Variants in DNAH14 observed in about 807,000 individuals in gnomAD.
DNAH14 encodes the protein axonemal beta dynein heavy chain 14.
DNAH14 carries 478 observed loss-of-function variants against 520.9 expected under a neutral mutation model. That is an observed-to-expected ratio of 0.92 (90% CI 0.85 to 0.99). The LOEUF (loss-of-function observed/expected upper bound fraction) is 0.99. Among genes scored for constraint, DNAH14 ranks in the 50% least tolerant of loss-of-function variants. The pLI is 0.00. For synonymous variants in DNAH14, 1,581 were observed against 1,757.2 expected (o/e 0.90, Z 2.51); for missense variants, 4,831 against 5,234.5 (o/e 0.92, Z 2.38).
chr1:225,121,889 TTAAA>T (rs2077326402), intron 26 of DNAH14, among the ~76,000 whole-genome samples: 1 of 151,372 alleles, frequency 6.6e-6, no homozygotes, highest in Non-Finnish European at 1.5e-5. Context: ...AAATAAATAA[TTAAA>T]TAATTTTTTT....
chr1:225,061,026 A>G (rs2069994330), intron 17 of DNAH14, among the ~76,000 whole-genome samples: 2 of 150,430 alleles, frequency 1.3e-5, no homozygotes, highest in Admixed American at 1.3e-4. Context: ...GAGAACCACT[A>G]CTCTCTTCAA....
chr1:224,966,293 G>A (rs1325440698), intron 5 of DNAH14, among the ~76,000 whole-genome samples: 1 of 152,090 alleles, frequency 6.6e-6, no homozygotes, highest in Non-Finnish European at 1.5e-5. Context: ...TTTAAAAAGT[G>A]TAAAACTGGA....
chr1:224,949,175 G>C (rs1168116727), intron 1 of DNAH14, among the ~76,000 whole-genome samples: 1 of 152,016 alleles, frequency 6.6e-6, no homozygotes, highest in Non-Finnish European at 1.5e-5. Context: ...TGAAAATATT[G>C]TATCATTTTC....
intron 69 of DNAH14, among the ~76,000 whole-genome samples, chr1:225,343,204 T>G (rs770904124): frequency 6.6e-5 from 10 of 152,198 alleles, no homozygotes; most frequent in Non-Finnish European, 1.3e-4. Flanking sequence ...CAAGAATAAC[T>G]GTGATGGGGA....
intron 36 of DNAH14, among the ~76,000 whole-genome samples, chr1:225,174,431 A>G (rs1369639029): frequency 6.6e-6 from 1 of 152,154 alleles, no homozygotes; most frequent in Non-Finnish European, 1.5e-5. Flanking sequence ...ATATTTTTGT[A>G]ACTATTATAA....
Position 225,375,594 on chromosome 1 carries a change from G to C in DNAH14, c.12516+709G>C, listed in dbSNP as rs144389139. ...GTCTGAGGTCTTGAGGATATGGATAGATAAACAAAATAGTAAAAATATTTT... is the reference window on the plus strand; with the variant it reads ...GTCTGAGGTCTTGAGGATATGGATACATAAACAAAATAGTAAAAATATTTT... On this transcript the variant is annotated intron_variant, in intron 78 of 85. Coordinates refer to ENST00000682510, the MANE Select transcript of DNAH14 (RefSeq NM_001367479.1). Among the ~76,000 whole-genome samples the C allele has an allele frequency of 6.6e-5, 10 of 152,262 alleles. No individual in the cohort carries two copies. The East Asian group carries it at 1.5e-3, about 23-fold the overall frequency.
chr1:225,321,478 G>T (rs2094554424), intron 61 of DNAH14, among the ~76,000 whole-genome samples: 1 of 151,730 alleles, frequency 6.6e-6, no homozygotes, highest in Admixed American at 6.6e-5. Context: ...GACCTTCTTG[G>T]TAAGCCCTGT....
chr1:224,996,755 C>T (rs2063417536), intron 8 of DNAH14, among the ~76,000 whole-genome samples: 1 of 152,104 alleles, frequency 6.6e-6, no homozygotes, highest in Non-Finnish European at 1.5e-5. Context: ...TTGAGTTCTG[C>T]AGTTGGATGG....
In DNAH14 at chr1:225,004,689, G is replaced by C. The variant is rs1477056725; in HGVS notation, c.975+1762G>C. Among the ~76,000 whole-genome samples the C allele has an allele frequency of 3.3e-5, 5 of 152,138 alleles. No homozygotes were observed. In the East Asian group the frequency reaches 9.6e-4, roughly 29 times the overall value. ...GTATGTGGAAAAGCCAGGTTTAGATGGAGGAAGAGTGGAGATTCATATCCT... is the reference window on the plus strand; with the variant it reads ...GTATGTGGAAAAGCCAGGTTTAGATCGAGGAAGAGTGGAGATTCATATCCT... On this transcript the variant is annotated intron_variant, in intron 9 of 85. Coordinates refer to ENST00000682510, the MANE Select transcript of DNAH14 (RefSeq NM_001367479.1).
intron 36 of DNAH14, among the ~76,000 whole-genome samples, chr1:225,175,490 T>C (rs1437106706): frequency 1.3e-5 from 2 of 152,036 alleles, no homozygotes; most frequent in Non-Finnish European, 2.9e-5. Context: ...CTATAATGTC[T>C]CCTTTTTCTT....
rs1362159634 is a variant in DNAH14, at chr1:225,023,783, G to A, written c.1276G>A (p.Ala426Thr). ...QELIRQLMNT[A>T]VTLLLELFNG... is the part of the protein sequence containing the mutation. ...ACTCATTCGTCAACTTATGAACACT[G>A]CAGTCACACTACTTTTGGAATTATT... is the stretch of plus-strand genomic sequence containing the variant. Residue 426 changes from alanine to threonine, a missense_variant, in exon 11 of 86, where the codon GCA becomes ACA. Ala to Thr is a moderately conservative substitution (Grantham distance 58). Coordinates refer to ENST00000682510, the MANE Select transcript of DNAH14 (RefSeq NM_001367479.1). The A allele has an allele frequency of 6.4e-7, 1 of 1,550,436 alleles. No homozygotes were observed. The highest frequency in any genetic ancestry group is 2.0e-5 in the Admixed American group (1 of 50,940).
intron 1 of DNAH14, among the ~76,000 whole-genome samples, chr1:224,943,157 A>G (rs943420695): frequency 6.6e-6 from 1 of 152,202 alleles, no homozygotes; most frequent in African/African-American, 2.4e-5. Context: ...TTGGTAAGCT[A>G]TTAATTATTG....
chr1:225,087,849 A>G (rs2073980089), intron 21 of DNAH14, among the ~76,000 whole-genome samples: 2 of 152,230 alleles, frequency 1.3e-5, no homozygotes, highest in African/African-American at 2.4e-5. Flanking sequence ...GGTCAGGGAA[A>G]CAACCACTTG....
intron 17 of DNAH14, among the ~76,000 whole-genome samples, chr1:225,077,162 C>G (rs2072395197): frequency 6.6e-6 from 1 of 152,164 alleles, no homozygotes; most frequent in Admixed American, 6.5e-5. Context: ...TTCATTACAT[C>G]TATTGAGATA....
At chr1:225,195,238 G>C (rs765769560) in intron 38 of DNAH14, among the ~76,000 whole-genome samples, 1 of 152,000 alleles carries the variant, frequency 6.6e-6, no homozygotes, top group Non-Finnish European at 1.5e-5. Context: ...ACACAGAATA[G>C]CAAAGACATG....
chr1:225,317,743 C>A (rs1241995642), intron 60 of DNAH14, among the ~76,000 whole-genome samples: 5 of 152,070 alleles, frequency 3.3e-5, no homozygotes, highest in African/African-American at 9.7e-5. Context: ...CAATTTTATA[C>A]ATCTAATAAG....
At chr1:225,221,482 G>T (rs1350871513) in intron 41 of DNAH14, among the ~76,000 whole-genome samples, 5 of 152,070 alleles carry the variant, frequency 3.3e-5, no homozygotes, top group Non-Finnish European at 1.5e-5. Context: ...CCATCAAAAA[G>T]CAGGTAAAGG....
chr1:225,091,806 A>G (rs773613831), intron 21 of DNAH14, among the ~76,000 whole-genome samples: 24 of 152,044 alleles, frequency 1.6e-4, no homozygotes, highest in Admixed American at 7.2e-4. Context: ...AAGACCCAAT[A>G]ACATACTGTC....
At chr1:224,938,297 T>A (rs1356691639) in intron 1 of DNAH14, among the ~76,000 whole-genome samples, 2 of 152,126 alleles carry the variant, frequency 1.3e-5, no homozygotes, top group African/African-American at 2.4e-5. Context: ...CCTAAGCATA[T>A]GACAAGGGAT....
Sources: gnomAD v4.1 joint callset for allele counts (sites outside exome capture counted in the v4.1 genomes callset) on GRCh38, gnomAD v4.1.1 for gene constraint, MANE v1.5 for transcripts, NCBI Gene and HGNC (gene_info 2026-07-23, HGNC 2026-07-21) for gene names.